MED27: variants seen among roughly 807,000 people sequenced by gnomAD.
MED27 encodes the protein mediator of RNA polymerase II transcription subunit 27.
Under a neutral mutation model 38.2 loss-of-function variants are expected in MED27, and 30 were observed. That is an observed-to-expected ratio of 0.79 (90% CI 0.59 to 1.07). The LOEUF (loss-of-function observed/expected upper bound fraction) is 1.07. Among genes scored for constraint, MED27 ranks in the 50% least tolerant of loss-of-function variants. The pLI is 0.00. For synonymous variants in MED27, 122 were observed against 153.5 expected (o/e 0.79, Z 1.52); for missense variants, 289 against 397.5 (o/e 0.73, Z 2.32).
At chr9:132,010,571 A>G (rs1832464775) in intron 3 of MED27, among the ~76,000 whole-genome samples, 1 of 152,208 alleles carries the variant, frequency 6.6e-6, no homozygotes, top group Non-Finnish European at 1.5e-5. Context: ...TGCTATAAAG[A>G]CACATGCAAA....
intron 3 of MED27, among the ~76,000 whole-genome samples, chr9:131,989,087 A>G (rs1244052775): frequency 6.6e-6 from 1 of 152,218 alleles, no homozygotes; most frequent in Admixed American, 6.5e-5. Context: ...AAGTGTGGAG[A>G]GAGAAATGGT....
At chr9:131,974,578 C>G (rs765505220) in intron 3 of MED27, among the ~76,000 whole-genome samples, 1 of 152,130 alleles carries the variant, frequency 6.6e-6, no homozygotes, top group Non-Finnish European at 1.5e-5. Flanking sequence ...AACTCAGGCC[C>G]GGAGAGAAAT....
At chr9:131,988,551 C>T (rs768922239) in intron 3 of MED27, among the ~76,000 whole-genome samples, 1 of 152,160 alleles carries the variant, frequency 6.6e-6, no homozygotes, top group Non-Finnish European at 1.5e-5. Context: ...TTCTTAGTAA[C>T]ATTTTATTTT....
At position 131,917,758 on chromosome 9, in the gene MED27, T is replaced by C. The variant is rs1243287780; in HGVS notation, c.573+21623A>G. ...GATAAGTATTGGAACAGAAAAATGT[T>C]AAATTGGAGACAAGTTGCAAGGGAT... On this transcript the variant is annotated intron_variant, in intron 4 of 7. Transcript: ENST00000292035. This position sits in a 1 kb window ranked among gnomAD's most constrained non-coding sequence, Gnocchi z 4.6. Among the ~76,000 whole-genome samples, 3 of 152,156 alleles carry C rather than the reference T, an allele frequency of 2.0e-5. No individual in the cohort carries two copies. Among genetic ancestry groups the C allele is most frequent in the Non-Finnish European group, 2.9e-5 (2 of 68,032 alleles).
intron 6 of MED27, among the ~76,000 whole-genome samples, chr9:131,881,929 T>C (rs567155937): frequency 1.7e-4 from 26 of 151,264 alleles, no homozygotes; most frequent in African/African-American, 5.8e-4. Flanking sequence ...CTGATTTGTG[T>C]ATTTTTAGTA....
chr9:132,043,788 T>C (rs147178231), intron 2 of MED27, among the ~76,000 whole-genome samples: 1 of 152,006 alleles, frequency 6.6e-6, no homozygotes, highest in East Asian at 1.9e-4. Flanking sequence ...TGGATATCAA[T>C]AAGAAAAAAA....
Position 131,913,921 on chromosome 9 carries a change from T to C in MED27, c.574-19929A>G, listed in dbSNP as rs1830236574. The stretch of plus-strand genomic sequence containing the variant: ...ACCAAAACTCAAACTTTAATTCCTC[T>C]AGCGCTTGCTTGTACCGCTTGTCTT... On this transcript the variant is annotated intron_variant, in intron 4 of 7. Coordinates refer to ENST00000292035, the MANE Select transcript of MED27 (RefSeq NM_004269.4). This position sits in a 1 kb window ranked among gnomAD's most constrained non-coding sequence, Gnocchi z 4.5. Among the ~76,000 whole-genome samples, 1 of 150,028 alleles carries C rather than the reference T, an allele frequency of 6.7e-6. No individual in the cohort carries two copies.
chr9:132,002,207 G>C (rs964485820), intron 3 of MED27, among the ~76,000 whole-genome samples: 1 of 152,130 alleles, frequency 6.6e-6, no homozygotes, highest in African/African-American at 2.4e-5. Context: ...CCTCACCACT[G>C]CCTCCAAACA....
intron 2 of MED27, among the ~76,000 whole-genome samples, chr9:132,024,064 G>C (rs1206496523): frequency 6.6e-6 from 1 of 152,140 alleles, no homozygotes; most frequent in Non-Finnish European, 1.5e-5. Flanking sequence ...GAGGCAGTGT[G>C]GCCCAATGCA....
intron 3 of MED27, among the ~76,000 whole-genome samples, chr9:131,996,121 C>A (rs1190286969): frequency 6.6e-6 from 1 of 152,192 alleles, no homozygotes; most frequent in Non-Finnish European, 1.5e-5. Flanking sequence ...ACTTTGGGCT[C>A]CTGGTCTAGG....
At chr9:132,022,812 A>G (rs1589271819) in intron 2 of MED27, among the ~76,000 whole-genome samples, 1 of 152,186 alleles carries the variant, frequency 6.6e-6, no homozygotes, top group Non-Finnish European at 1.5e-5. Flanking sequence ...TGGCGGCAGG[A>G]GAAAGAAGCA....
At chr9:131,952,315 T>C (rs1038525939) in intron 3 of MED27, among the ~76,000 whole-genome samples, 2 of 152,164 alleles carry the variant, frequency 1.3e-5, no homozygotes, top group Non-Finnish European at 2.9e-5. Context: ...TTCATTCCAC[T>C]ATTCAGCAGA....
At chr9:131,887,917 C>T (rs1418155325) in intron 5 of MED27, among the ~76,000 whole-genome samples, 1 of 152,154 alleles carries the variant, frequency 6.6e-6, no homozygotes, top group African/African-American at 2.4e-5. Context: ...GGGGTGTGGT[C>T]TGTTCTCAGG....
chr9:131,936,202 C>T (rs1460289875), intron 4 of MED27, among the ~76,000 whole-genome samples: 1 of 151,722 alleles, frequency 6.6e-6, no homozygotes, highest in Non-Finnish European at 1.5e-5. Flanking sequence ...CCTGGTAGTC[C>T]AAATCTTACT....
chr9:131,911,318 GA>G (rs956278467), intron 4 of MED27, among the ~76,000 whole-genome samples: 12 of 152,336 alleles, frequency 7.9e-5, no homozygotes, highest in South Asian at 2.1e-4. Context: ...ACCATTATCA[GA>G]ATGCTGGTGC....
At chr9:131,968,982 TG>T (rs1254233483) in intron 3 of MED27, among the ~76,000 whole-genome samples, 1 of 152,206 alleles carries the variant, frequency 6.6e-6, no homozygotes, top group African/African-American at 2.4e-5. Context: ...CCTGATGATC[TG>T]TCACTGCCTC....
rs534525556 is a variant in MED27 at position 131,959,256 on chromosome 9, G to A, written c.480-19782C>T. 8.3e-4 allele frequency among the ~76,000 whole-genome samples: 124 copies of A among 149,498 alleles called. 1 individual carries two copies. The highest frequency in any genetic ancestry group is 1.4e-3 in the Non-Finnish European group (98 of 67,678). On this transcript the variant is annotated intron_variant, in intron 3 of 7. Coordinates refer to ENST00000292035, the MANE Select transcript of MED27 (RefSeq NM_004269.4). ...GTATCTTCTTTCATAAGGTGGCTGT[G>A]AAGACTAAATGCGTAAGGCATGGAA...
rs1476615740 is a variant in MED27 at position 131,872,061 on chromosome 9, G to A, written c.724-8921C>T. On this transcript the variant is annotated intron_variant, in intron 6 of 7. Coordinates refer to ENST00000292035, the MANE Select transcript of MED27 (RefSeq NM_004269.4). The surrounding 1 kb of genome is among the most constrained non-coding windows in gnomAD (Gnocchi z 5.6). ...CTGGGCCGGAGTGGAGGCTGGCGAC[G>A]CAGCATGCAGGTGAGGAACAGACGC... Among the ~76,000 whole-genome samples the A allele has an allele frequency of 3.3e-5, 5 of 152,210 alleles. No homozygotes were observed. Among genetic ancestry groups the A allele is most frequent in the Admixed American group, 2.0e-4 (3 of 15,286 alleles).
chr9:131,934,958 C>A (rs1348752674), intron 4 of MED27, among the ~76,000 whole-genome samples: 1 of 151,968 alleles, frequency 6.6e-6, no homozygotes, highest in Non-Finnish European at 1.5e-5. Context: ...ATAAGCCAGG[C>A]ACAGAAAGAT....
Sources: allele counts gnomAD v4.1 joint callset (sites outside exome capture counted in the v4.1 genomes callset), GRCh38; gene constraint gnomAD v4.1.1; non-coding constraint Gnocchi (gnomAD v3.1); transcripts MANE v1.5; gene names NCBI Gene and HGNC (gene_info 2026-07-23, HGNC 2026-07-21).